Variants in MYH11 observed in about 807,000 individuals in gnomAD.
MYH11 encodes myosin heavy chain 11, also known as myosin-11.
In MYH11, 80 loss-of-function variants were observed where a neutral mutation model predicts 246.6. That is an observed-to-expected ratio of 0.32 (90% CI 0.27 to 0.39). The LOEUF (loss-of-function observed/expected upper bound fraction) is 0.39. Among genes scored for constraint, MYH11 ranks in the 10% least tolerant of loss-of-function variants. MYH11 has a pLI of 1.00. For missense variants in MYH11, 2,158 were observed against 2,546.8 expected (o/e 0.85, Z 3.29); for synonymous variants, 1,071 against 1,015.5 (o/e 1.05, Z -1.04).
chr16:15,777,641 T>A (rs2042255978), intron 7 of MYH11, among the ~76,000 whole-genome samples: 1 of 152,114 alleles, frequency 6.6e-6, no homozygotes, highest in Non-Finnish European at 1.5e-5. Context: ...ACAGCCCTCC[T>A]AGCTGCAGGA....
rs1027639866 is a variant in MYH11, at chr16:15,782,819, T to C, written c.634-342A>G. The C allele has an allele frequency of 4.9e-5, 17 of 345,476 alleles. No homozygotes were observed. In the Admixed American group the frequency reaches 6.5e-4, roughly 13 times the overall value. The allele number at this position is 345,476 out of a possible 1,614,324, so 21.4% of individuals were successfully genotyped here. On this transcript the variant is annotated intron_variant, in intron 5 of 40. Coordinates refer to ENST00000300036, the MANE Select transcript of MYH11 (RefSeq NM_002474.3). Reference sequence around the variant, plus strand: ...TCATGATGAATGGTGCCCCCCGGAGTTGTGCAGTGCACCACCTGTCCCACT... The same window carrying C: ...TCATGATGAATGGTGCCCCCCGGAGCTGTGCAGTGCACCACCTGTCCCACT...
chr16:15,846,382 T>C (rs1192245122), intron 1 of MYH11, among the ~76,000 whole-genome samples: 1 of 152,172 alleles, frequency 6.6e-6, no homozygotes, highest in Non-Finnish European at 1.5e-5. Context: ...ACTATTGAAC[T>C]GAGGTCCAAA....
chr16:15,844,387 G>A (rs1567215790), intron 1 of MYH11, among the ~76,000 whole-genome samples: 1 of 152,076 alleles, frequency 6.6e-6, no homozygotes, highest in East Asian at 1.9e-4. Flanking sequence ...TAGTAGAGAC[G>A]GGGTTTCACC....
intron 2 of MYH11, among the ~76,000 whole-genome samples, chr16:15,827,168 A>C (rs189211003): frequency 4.1e-4 from 62 of 152,302 alleles, no homozygotes; most frequent in African/African-American, 1.4e-3. Flanking sequence ...GAGATAAAGA[A>C]ATCAATGATA....
chr16:15,786,635 T>C lies in MYH11; in HGVS notation c.628A>G (p.Ile210Val). The part of the protein sequence containing the change: ...SSHKGKKDTS[I>V]TGELEKQLLQ... Reference sequence around the variant, plus strand: ...GATTGGGAACTGCCACTCACCGTGATACTTGTGTCTTTCTTGCCCTTGTGG... The same window carrying C: ...GATTGGGAACTGCCACTCACCGTGACACTTGTGTCTTTCTTGCCCTTGTGG... Residue 210 changes from isoleucine to valine, a missense_variant, in exon 5 of 41, where the codon ATC becomes GTC. This residue lies in a region of MYH11 where 123 missense variants were observed against 207.1 expected (regional missense o/e 0.59). Transcript: ENST00000300036. The C allele has an allele frequency of 1.9e-6, 3 of 1,614,108 alleles. No individual in the cohort carries two copies. The highest frequency in any genetic ancestry group is 1.7e-6 in the Non-Finnish European group (2 of 1,179,978).
rs539944135 is a variant in MYH11, at chr16:15,708,752, A to G, written c.5787-4629T>C. 6 of 1,565,664 alleles carry G rather than the reference A, an allele frequency of 3.8e-6. No homozygotes were observed. The African/African-American group carries it at 8.2e-5, about 21-fold the overall frequency. On this transcript the variant is annotated intron_variant, in intron 40 of 40. Coordinates refer to ENST00000300036, the MANE Select transcript of MYH11 (RefSeq NM_002474.3). ...GGGCAGAGGGGCGCATTGGGCAGAA[A>G]AGAAATGGATACTGAGACAACACAC...
chr16:15,773,344 G>A (rs1230663625), intron 8 of MYH11, among the ~76,000 whole-genome samples: 2 of 145,010 alleles, frequency 1.4e-5, no homozygotes, highest in Admixed American at 1.4e-4. Flanking sequence ...TTGGAGTGCA[G>A]TGGTGCGATA....
At chr16:15,712,887 T>G (rs1409651850) in intron 40 of MYH11, 2 of 142,618 alleles carry the variant, frequency 1.4e-5, no homozygotes, top group Admixed American at 7.0e-5. Context: ...ATACAGTTTT[T>G]TTTTTTTTGA....
At chr16:15,759,313 CAGAG>C (rs374333118) in intron 12 of MYH11, among the ~76,000 whole-genome samples, 7 of 148,546 alleles carry the variant, frequency 4.7e-5, no homozygotes, top group African/African-American at 1.7e-4. Context: ...TGGAGGAAGG[CAGAG>C]AGAGAGAGAG....
chr16:15,722,453 A>G (rs1454036498), intron 31 of MYH11, among the ~76,000 whole-genome samples: 1 of 152,202 alleles, frequency 6.6e-6, no homozygotes, highest in Non-Finnish European at 1.5e-5. Flanking sequence ...CCAAAAGCCA[A>G]ACTTCCAGTA....
intron 33 of MYH11, 84 bp downstream of exon 33, chr16:15,720,755 G>C: frequency 1.4e-6 from 2 of 1,444,220 alleles, no homozygotes; most frequent in Non-Finnish European, 1.9e-6. Flanking sequence ...AGAAAACGAA[G>C]TTTCCACACC....
At position 15,727,201 on chromosome 16, in the gene MYH11, GT is replaced by G. The variant is rs1044566310; in HGVS notation, c.3652-148del. 1.3e-4 allele frequency: 90 copies of G among 698,196 alleles called. 1 individual carries two copies. The South Asian group carries it at 1.3e-3, about 10-fold the overall frequency. 43.3% of individuals were successfully genotyped at this position (698,196 alleles called of 1,614,324 possible). On this transcript the variant is annotated intron_variant, in intron 27 of 40. Transcript: ENST00000300036. ...CCAGTAAGAGATTTGGGGTTTTTTTGTTGTTATTTTTTTTTTGAGATGGAGT... is the reference window on the plus strand; with the variant it reads ...CCAGTAAGAGATTTGGGGTTTTTTTGTGTTATTTTTTTTTTGAGATGGAGT...
At chr16:15,804,940 G>C (rs550947367) in intron 3 of MYH11, among the ~76,000 whole-genome samples, 2 of 152,222 alleles carry the variant, frequency 1.3e-5, no homozygotes, top group South Asian at 4.2e-4. Flanking sequence ...CCACCTTTTG[G>C]CTATTCTGCA....
intron 1 of MYH11, among the ~76,000 whole-genome samples, chr16:15,855,272 A>G (rs1270837054): frequency 1.3e-5 from 2 of 152,242 alleles, no homozygotes; most frequent in Non-Finnish European, 2.9e-5. Flanking sequence ...GGTTTCAGCT[A>G]GGTCACCCCC....
intron 20 of MYH11, among the ~76,000 whole-genome samples, chr16:15,744,711 C>T (rs1156451681): frequency 6.6e-6 from 1 of 151,386 alleles, no homozygotes; most frequent in Non-Finnish European, 1.5e-5. Context: ...CCATGTTGGC[C>T]AGGCTGGTTT....
intron 3 of MYH11, among the ~76,000 whole-genome samples, chr16:15,800,889 G>T (rs1346719315): frequency 6.6e-6 from 1 of 152,040 alleles, no homozygotes; most frequent in East Asian, 1.9e-4. Flanking sequence ...TTCAATTCTG[G>T]TGTGTTTATA....
Position 15,753,379 on chromosome 16 carries a change from C to T in MYH11, c.1864+15G>A, listed in dbSNP as rs748966198. 6.2e-7 allele frequency: 1 copy of T among 1,606,196 alleles called. No homozygotes were observed. On this transcript the variant is annotated intron_variant, in intron 15 of 40. Coordinates refer to ENST00000300036, the MANE Select transcript of MYH11 (RefSeq NM_002474.3). ...GCTCAAAGCAGAACATGGACCCGAG[C>T]AGAGAAGGCCTTACCGTCCTTCCAC...
intron 3 of MYH11, among the ~76,000 whole-genome samples, chr16:15,821,715 G>C (rs916868197): frequency 7.0e-6 from 1 of 143,586 alleles, no homozygotes; most frequent in African/African-American, 2.6e-5. Context: ...TCAGGAGATC[G>C]AGACCATCCT....
intron 40 of MYH11, among the ~76,000 whole-genome samples, chr16:15,711,607 A>G (rs1596684496): frequency 6.6e-6 from 1 of 152,206 alleles, no homozygotes; most frequent in African/African-American, 2.4e-5. Context: ...GGCTCAGCAC[A>G]TGGCTGTGGT....
Sources: gnomAD v4.1 joint callset for allele counts (sites outside exome capture counted in the v4.1 genomes callset) on GRCh38, gnomAD v4.1.1 for gene constraint, gnomAD v4.1.1 regional missense constraint, MANE v1.5 for transcripts, NCBI Gene and HGNC (gene_info 2026-07-23, HGNC 2026-07-21) for gene names.